KCNB2: variants seen among roughly 807,000 people sequenced by gnomAD.
KCNB2 encodes potassium voltage-gated channel subfamily B member 2, also known as delayed rectifier potassium channel protein.
A neutral mutation model predicts 61.5 loss-of-function variants in KCNB2; 15 were observed. The observed-to-expected ratio is 0.24, with a 90% confidence interval of 0.16 to 0.38. The LOEUF is 0.38. KCNB2 is among the 10% of genes least tolerant of loss of function. KCNB2 has a pLI of 1.00. For missense variants in KCNB2, 828 were observed against 1,125.2 expected, an observed-to-expected ratio of 0.74 and a Z score of 3.78; for synonymous variants, 457 against 446.0, an observed-to-expected ratio of 1.02 and a Z score of -0.31.
chr8:72,636,804 G>A (rs1169524034), intron 2 of KCNB2, among the ~76,000 whole-genome samples: 11 of 152,088 alleles, frequency 7.2e-5, no homozygotes, highest in Non-Finnish European at 1.6e-4. Flanking sequence ...CTTAGTTTTA[G>A]TTCAAAGTCA....
chr8:72,658,352 A>G (rs906030258), intron 2 of KCNB2, among the ~76,000 whole-genome samples: 1 of 152,202 alleles, frequency 6.6e-6, no homozygotes, highest in Admixed American at 6.5e-5. Context: ...GCTAAAGCCT[A>G]ATCCAGAGCG....
chr8:72,798,920 T>A (rs904495482), intron 2 of KCNB2, among the ~76,000 whole-genome samples: 2 of 152,210 alleles, frequency 1.3e-5, no homozygotes, highest in African/African-American at 2.4e-5. Context: ...TCTCTCGCTA[T>A]CTTTTTTCTT....
chr8:72,579,082 T>C (rs996825787), intron 2 of KCNB2, among the ~76,000 whole-genome samples: 1 of 152,198 alleles, frequency 6.6e-6, no homozygotes, highest in Admixed American at 6.5e-5. Context: ...CTTTCTTTCT[T>C]CCTTCAGCCA....
chr8:72,931,722 C>T (rs1806788168), intron 2 of KCNB2, among the ~76,000 whole-genome samples: 1 of 152,066 alleles, frequency 6.6e-6, no homozygotes, highest in African/African-American at 2.4e-5. Flanking sequence ...GATTAAAAAC[C>T]TGAGGCAGGT....
At chr8:72,628,234 G>C (rs1411552445) in intron 2 of KCNB2, among the ~76,000 whole-genome samples, 1 of 152,130 alleles carries the variant, frequency 6.6e-6, no homozygotes, top group Non-Finnish European at 1.5e-5. Flanking sequence ...GATTACAGGC[G>C]TGAGCCATCA....
At chr8:72,612,709 A>G (rs1805560008) in intron 2 of KCNB2, among the ~76,000 whole-genome samples, 1 of 152,208 alleles carries the variant, frequency 6.6e-6, no homozygotes, top group Admixed American at 6.5e-5. Context: ...TGTGGAGGTA[A>G]AATGGACATC....
In KCNB2 at chr8:72,894,818, A is replaced by G. The variant is rs117289828; in HGVS notation, c.580-41117A>G. Among the ~76,000 whole-genome samples the G allele has an allele frequency of 4.8e-4, 73 of 152,286 alleles. No homozygotes were observed. In the East Asian group the frequency reaches 0.013, roughly 27 times the overall value. ...TAATTTCACTTTACAATAGGTTTGC[A>G]TTGCATATTTTAGACCATCTGGACA... On this transcript the variant is annotated intron_variant, in intron 2 of 2. Transcript: ENST00000523207.
chr8:72,842,645 T>C (rs1585925428), intron 2 of KCNB2, among the ~76,000 whole-genome samples: 1 of 152,348 alleles, frequency 6.6e-6, no homozygotes, highest in East Asian at 1.9e-4. Flanking sequence ...ATTTGACTTC[T>C]TCCTGGCTTG....
intron 2 of KCNB2, among the ~76,000 whole-genome samples, chr8:72,829,298 A>T (rs991162088): frequency 2.0e-5 from 3 of 152,210 alleles, no homozygotes; most frequent in African/African-American, 7.2e-5. Flanking sequence ...CCAACTTGCC[A>T]CATCACTCTA....
At chr8:72,847,340 C>G (rs1297000296) in intron 2 of KCNB2, among the ~76,000 whole-genome samples, 3 of 152,184 alleles carry the variant, frequency 2.0e-5, no homozygotes, top group Admixed American at 6.5e-5. Flanking sequence ...AACATCGCCC[C>G]CTTGTGGTCT....
chr8:72,585,436 T>C (rs1365867324), intron 2 of KCNB2, among the ~76,000 whole-genome samples: 1 of 152,252 alleles, frequency 6.6e-6, no homozygotes, highest in Non-Finnish European at 1.5e-5. Flanking sequence ...TATTTTCTTG[T>C]TTTATCTTCT....
chr8:72,809,204 A>C (rs1408825395), intron 2 of KCNB2, among the ~76,000 whole-genome samples: 1 of 152,094 alleles, frequency 6.6e-6, no homozygotes. Flanking sequence ...AAATGCCCAG[A>C]TCTAAGTAGG....
At chr8:72,668,862 G>A (rs965909913) in intron 2 of KCNB2, among the ~76,000 whole-genome samples, 1 of 152,058 alleles carries the variant, frequency 6.6e-6, no homozygotes, top group Non-Finnish European at 1.5e-5. Flanking sequence ...AGACATGATT[G>A]TTATTCAAAA....
intron 2 of KCNB2, among the ~76,000 whole-genome samples, chr8:72,788,358 C>T (rs1249845766): frequency 6.6e-6 from 1 of 152,022 alleles, no homozygotes; most frequent in Non-Finnish European, 1.5e-5. Flanking sequence ...CTCATTCTGT[C>T]CTCATAAGGC....
intron 2 of KCNB2, among the ~76,000 whole-genome samples, chr8:72,608,449 G>A (rs181304790): frequency 2.0e-5 from 3 of 152,302 alleles, no homozygotes; most frequent in African/African-American, 7.2e-5. Flanking sequence ...AGGGTAGCAA[G>A]AGGGGAAACA....
At chr8:72,788,185 G>A (rs981893097) in intron 2 of KCNB2, among the ~76,000 whole-genome samples, 1 of 152,168 alleles carries the variant, frequency 6.6e-6, no homozygotes, top group Non-Finnish European at 1.5e-5. Context: ...TAACCCAGGT[G>A]CATTGGTCTC....
At chr8:72,775,743 C>T (rs973372652) in intron 2 of KCNB2, among the ~76,000 whole-genome samples, 1 of 151,430 alleles carries the variant, frequency 6.6e-6, no homozygotes, top group Non-Finnish European at 1.5e-5. Flanking sequence ...AAAAAAATGA[C>T]CCACAGGTAA....
chr8:72,599,747 C>T (rs1037751961), intron 2 of KCNB2, among the ~76,000 whole-genome samples: 1 of 151,978 alleles, frequency 6.6e-6, no homozygotes, highest in Admixed American at 6.6e-5. Flanking sequence ...AACAAATTTA[C>T]AATAAAAAAA....
rs1323087023 is a variant in KCNB2, at chr8:72,567,725, C to G, written c.-10C>G. ...AAGGACCCTGGCTCTGCGGCTTTGT[C>G]CAGTTCAAAATGGCAGAAAAGGCTC... On this transcript the variant is annotated 5_prime_UTR_variant, in exon 2 of 3. Transcript: ENST00000523207. The G allele has an allele frequency of 6.5e-7, 1 of 1,536,360 alleles. No homozygotes were observed. The highest frequency in any genetic ancestry group is 1.4e-5 in the African/African-American group (1 of 72,168).
Sources: allele counts gnomAD v4.1 joint callset (sites outside exome capture counted in the v4.1 genomes callset), GRCh38; gene constraint gnomAD v4.1.1; transcripts MANE v1.5; gene names NCBI Gene and HGNC (gene_info 2026-07-23, HGNC 2026-07-21).